The following TSC22D1 variants were observed in gnomAD, a reference collection of about 807,000 sequenced individuals.
TSC22D1 encodes the protein TSC22 domain family member 1.
In TSC22D1, 9 loss-of-function variants were observed where a neutral mutation model predicts 74.2. The observed-to-expected ratio is 0.12, with a 90% CI of 0.07 to 0.21. TSC22D1 has a LOEUF of 0.21. TSC22D1 is among the 10% of genes least tolerant of loss of function. The pLI, the probability that TSC22D1 is intolerant of heterozygous loss-of-function variation, is 1.00. For missense variants in TSC22D1, 1,427 were observed against 1,304.7 expected (o/e 1.09, Z -1.44); for synonymous variants, 586 against 492.5 (o/e 1.19, Z -2.51).
At chr13:44,507,932 T>C (rs1489851792) in intron 1 of TSC22D1, among the ~76,000 whole-genome samples, 1 of 152,218 alleles carries the variant, frequency 6.6e-6, no homozygotes, top group African/African-American at 2.4e-5. Flanking sequence ...CACAGGCAGC[T>C]TCCTAGAGGA....
intron 1 of TSC22D1, among the ~76,000 whole-genome samples, chr13:44,562,531 T>C (rs1297478313): frequency 2.6e-5 from 4 of 152,256 alleles, no homozygotes; most frequent in South Asian, 2.1e-4. Flanking sequence ...TTTTCACATT[T>C]TAAATAATTT....
chr13:44,493,517 T>C (rs559410245), intron 1 of TSC22D1, among the ~76,000 whole-genome samples: 1 of 152,316 alleles, frequency 6.6e-6, no homozygotes, highest in African/African-American at 2.4e-5. Flanking sequence ...ACAAAAGATA[T>C]GCTGCAGCCT....
intron 1 of TSC22D1, among the ~76,000 whole-genome samples, chr13:44,498,044 C>A (rs375183802): frequency 6.6e-6 from 1 of 151,664 alleles, no homozygotes; most frequent in African/African-American, 2.4e-5. Flanking sequence ...GTGTAGTCTT[C>A]CTACTTCCAA....
chr13:44,478,938 CGT>C (rs1878050073), intron 1 of TSC22D1, among the ~76,000 whole-genome samples: 1 of 151,768 alleles, frequency 6.6e-6, no homozygotes, highest in African/African-American at 2.4e-5. Context: ...TGTATGTTTA[CGT>C]GTGTGTTTGT....
At chr13:44,455,271 A>G (rs912852618) in intron 1 of TSC22D1, among the ~76,000 whole-genome samples, 2 of 152,234 alleles carry the variant, frequency 1.3e-5, no homozygotes, top group Non-Finnish European at 2.9e-5. Context: ...GAACTCTTCC[A>G]GCAGGGAGAA....
chr13:44,453,584 A>C (rs146075551), intron 1 of TSC22D1, among the ~76,000 whole-genome samples: 115 of 152,376 alleles, frequency 7.5e-4, no homozygotes, highest in Non-Finnish European at 1.2e-3. Flanking sequence ...TATGTTTAAC[A>C]AATGGCAGAG....
chr13:44,471,246 G>A (rs1444419750), intron 1 of TSC22D1, among the ~76,000 whole-genome samples: 3 of 152,050 alleles, frequency 2.0e-5, no homozygotes, highest in African/African-American at 7.2e-5. Flanking sequence ...TATTAATCAA[G>A]ATAAAGTTAT....
rs41288339 is a variant in TSC22D1 at position 44,434,011 on chromosome 13, T to C, written c.*615A>G. ...AAGCAAAACAACCTTCATGGTAAGA[T>C]AGCCTAGGTCCCAGCTACCTGTCAC... On this transcript the variant is annotated 3_prime_UTR_variant, in exon 3 of 3. Transcript: ENST00000458659. 17,666 of 1,533,942 alleles carry C rather than the reference T, an allele frequency of 0.012. 158 individuals carry two copies. The highest frequency in any genetic ancestry group is 0.02 in the South Asian group (1,644 of 83,364).
intron 1 of TSC22D1, among the ~76,000 whole-genome samples, chr13:44,456,078 G>C (rs376094009): frequency 2.0e-5 from 3 of 152,142 alleles, no homozygotes; most frequent in African/African-American, 7.2e-5. Flanking sequence ...TCTGGAATTG[G>C]TTCCTTCCCG....
chr13:44,573,675 A>T lies in TSC22D1; in HGVS notation c.2400T>A (p.Pro800=), dbSNP rs778620732. Residue 800 remains proline (P), a synonymous_variant, in exon 1 of 3, where the codon CCT becomes CCA. Transcript: ENST00000458659. ...CTGGTTCTACTCCTTGTGGCTGGGG[A>T]GGCACAGTTAACAAGGAACTTTGGG... The part of the protein sequence containing the change: ...IASQSSLLTV[P]PQPQGVEPVA... 1 of 1,613,232 alleles carries T rather than the reference A, an allele frequency of 6.2e-7. No individual in the cohort carries two copies. The highest frequency in any genetic ancestry group is 8.5e-7 in the Non-Finnish European group (1 of 1,179,938).
At chr13:44,548,799 G>T (rs998771858) in intron 1 of TSC22D1, among the ~76,000 whole-genome samples, 4 of 151,836 alleles carry the variant, frequency 2.6e-5, no homozygotes, top group Non-Finnish European at 4.4e-5. Flanking sequence ...GACACAAAAA[G>T]GATTTTTTCT....
intron 1 of TSC22D1, among the ~76,000 whole-genome samples, chr13:44,519,200 A>G (rs1260490965): frequency 6.6e-6 from 1 of 152,212 alleles, no homozygotes; most frequent in Admixed American, 6.5e-5. Flanking sequence ...ATTGATTCAA[A>G]GCAGTATGTT....
chr13:44,446,292 G>T (rs1007506672), intron 1 of TSC22D1, among the ~76,000 whole-genome samples: 3 of 152,170 alleles, frequency 2.0e-5, no homozygotes, highest in Admixed American at 6.5e-5. Flanking sequence ...CCATTTATGA[G>T]ACATTCTAGA....
At chr13:44,450,826 G>A (rs1239815354) in intron 1 of TSC22D1, among the ~76,000 whole-genome samples, 1 of 152,204 alleles carries the variant, frequency 6.6e-6, no homozygotes, top group African/African-American at 2.4e-5. Flanking sequence ...TGTTAGGTTA[G>A]CAGTAAGTCT....
intron 1 of TSC22D1, among the ~76,000 whole-genome samples, chr13:44,456,030 G>A (rs544697311): frequency 6.4e-4 from 97 of 152,302 alleles, no homozygotes; most frequent in African/African-American, 2.3e-3. Flanking sequence ...GTATAAGACA[G>A]ACCCAATCTT....
intron 1 of TSC22D1, chr13:44,539,540 A>T (rs1011692023): frequency 2.0e-6 from 2 of 985,236 alleles, no homozygotes; most frequent in Non-Finnish European, 2.4e-6. Context: ...GGCATTCGTC[A>T]AATCATGTGC....
intron 1 of TSC22D1, among the ~76,000 whole-genome samples, chr13:44,508,957 G>A (rs895244206): frequency 1.3e-5 from 2 of 152,112 alleles, no homozygotes; most frequent in African/African-American, 4.8e-5. Flanking sequence ...GGCCCCATGT[G>A]ATAAGCATGA....
chr13:44,434,409 C>G lies in TSC22D1; in HGVS notation c.*217G>C, dbSNP rs894231812. 1.5e-6 allele frequency: 2 copies of G among 1,359,422 alleles called. No individual in the cohort carries two copies. Among genetic ancestry groups the G allele is most frequent in the Middle Eastern group, 2.7e-4 (1 of 3,696 alleles). 84.2% of individuals were successfully genotyped at this position (1,359,422 alleles called of 1,614,324 possible). A position where few individuals can be genotyped will look rare whatever the true frequency, so the allele number is the denominator to read the frequency against. On this transcript the variant is annotated 3_prime_UTR_variant, in exon 3 of 3. Transcript: ENST00000458659. ...AGGTCCCGGTATATCCATGCTAATT[C>G]TCGGATTAACCTTTAATTCACCCAA... is the stretch of plus-strand genomic sequence containing the variant.
chr13:44,575,892 C>T lies in TSC22D1; in HGVS notation c.183G>A (p.Pro61=). ...CAGGGGGCGGCGGCTGAAGCAGCGA[C>T]GGAGGCGGAAAATCCTCGGAAGATG... ...NATSSEDFPP[P]SLLQPPPPAA... The change falls in exon 1 of 3, where the codon CCG becomes CCA. Residue 61 remains proline, a synonymous_variant. Coordinates refer to ENST00000458659, the MANE Select transcript of TSC22D1 (RefSeq NM_183422.4). The T allele has an allele frequency of 1.2e-6, 2 of 1,613,954 alleles. No homozygotes were observed. Among genetic ancestry groups the T allele is most frequent in the South Asian group, 1.1e-5 (1 of 91,076 alleles).
Sources: allele counts gnomAD v4.1 joint callset (sites outside exome capture counted in the v4.1 genomes callset), GRCh38; gene constraint gnomAD v4.1.1; transcripts MANE v1.5; gene names NCBI Gene and HGNC (gene_info 2026-07-23, HGNC 2026-07-21).